Variants in NAALADL2 observed in about 807,000 individuals in gnomAD.
The protein encoded by NAALADL2 is N-acetylated alpha-linked acidic dipeptidase like 2, also known as inactive N-acetylated-alpha-linked acidic dipeptidase-like protein 2.
In NAALADL2, 76 loss-of-function variants were observed where a neutral mutation model predicts 87.2. The ratio of observed to expected loss-of-function variants is 0.87; its 90% CI spans 0.72 to 1.05. The LOEUF is 1.05. Ranked by LOEUF, NAALADL2 falls within the 50% of genes least tolerant of loss-of-function variation. The probability of loss-of-function intolerance (pLI) is 0.00; values close to 1 mark genes in which losing one functional copy is unlikely to be tolerated. For missense variants in NAALADL2, 1,089 were observed against 945.8 expected, an observed-to-expected ratio of 1.15 and a Z score of -1.99; for synonymous variants, 354 against 331.0, an observed-to-expected ratio of 1.07 and a Z score of -0.75.
At chr3:175,331,742 G>T (rs954503142) in intron 5 of NAALADL2, among the ~76,000 whole-genome samples, 1 of 152,186 alleles carries the variant, frequency 6.6e-6, no homozygotes, top group African/African-American at 2.4e-5. Context: ...AGTACTGGAA[G>T]TCCTAGCCAG....
At chr3:175,664,465 A>C (rs920986194) in intron 11 of NAALADL2, among the ~76,000 whole-genome samples, 1 of 152,120 alleles carries the variant, frequency 6.6e-6, no homozygotes, top group South Asian at 2.1e-4. Context: ...GTTGTAGTAG[A>C]GAAGCCATTC....
At chr3:175,272,425 T>A (rs547322364) in intron 4 of NAALADL2, among the ~76,000 whole-genome samples, 1 of 146,492 alleles carries the variant, frequency 6.8e-6, no homozygotes, top group Admixed American at 6.8e-5. Context: ...TCTCAAGGAA[T>A]CTTTGTGACA....
intron 9 of NAALADL2, among the ~76,000 whole-genome samples, chr3:175,522,379 T>G (rs1456920118): frequency 6.6e-6 from 1 of 152,206 alleles, no homozygotes; most frequent in African/African-American, 2.4e-5. Context: ...AAGTTTCAAC[T>G]GCCTGGGTTG....
At chr3:175,437,216 A>C (rs1718836812) in intron 5 of NAALADL2, among the ~76,000 whole-genome samples, 2 of 151,410 alleles carry the variant, frequency 1.3e-5, no homozygotes, top group African/African-American at 4.9e-5. Flanking sequence ...GTCTCAGCCC[A>C]AAATCTCCTT....
At chr3:175,392,691 C>T (rs1416469262) in intron 5 of NAALADL2, among the ~76,000 whole-genome samples, 1 of 152,064 alleles carries the variant, frequency 6.6e-6, no homozygotes, top group Non-Finnish European at 1.5e-5. Flanking sequence ...TCGATTATGC[C>T]AGGAAGAGCT....
At chr3:175,374,740 G>A (rs189467884) in intron 5 of NAALADL2, among the ~76,000 whole-genome samples, 2 of 151,642 alleles carry the variant, frequency 1.3e-5, no homozygotes, top group Admixed American at 1.3e-4. Context: ...GGGCATGGTG[G>A]TGCATGCCTG....
intron 2 of NAALADL2, among the ~76,000 whole-genome samples, chr3:174,679,250 C>CT (rs1727311061): frequency 6.6e-6 from 1 of 152,088 alleles, no homozygotes; most frequent in South Asian, 2.1e-4. Flanking sequence ...GTGCACTACA[C>CT]TGTGGATATT....
At chr3:175,076,223 T>C (rs1716565011) in intron 1 of NAALADL2, among the ~76,000 whole-genome samples, 2 of 151,974 alleles carry the variant, frequency 1.3e-5, no homozygotes, top group Non-Finnish European at 2.9e-5. Context: ...TGACAGGGAC[T>C]GTCTCAAAAC....
chr3:174,717,048 G>T (rs573217785), intron 2 of NAALADL2, among the ~76,000 whole-genome samples: 179 of 152,210 alleles, frequency 1.2e-3, no homozygotes, highest in African/African-American at 4.2e-3. Flanking sequence ...CAGTACATTT[G>T]TTTTTGTAAT....
At chr3:174,493,105 G>T (rs893846108) in intron 1 of NAALADL2, among the ~76,000 whole-genome samples, 1 of 152,142 alleles carries the variant, frequency 6.6e-6, no homozygotes, top group Non-Finnish European at 1.5e-5. Flanking sequence ...AACATAACTA[G>T]AACCCAGCTT....
At chr3:174,830,393 T>A (rs1722532034) in intron 3 of NAALADL2, among the ~76,000 whole-genome samples, 1 of 152,212 alleles carries the variant, frequency 6.6e-6, no homozygotes, top group Non-Finnish European at 1.5e-5. Flanking sequence ...TGCTTGTTTT[T>A]CTCAGGTTTG....
intron 1 of NAALADL2, among the ~76,000 whole-genome samples, chr3:174,869,983 C>G (rs67794757): frequency 7.9e-6 from 1 of 126,498 alleles, no homozygotes; most frequent in African/African-American, 3.1e-5. Context: ...GCAACAAGAG[C>G]GACAAAACTC....
At chr3:175,722,935 T>C (rs918688235) in intron 11 of NAALADL2, among the ~76,000 whole-genome samples, 2 of 152,130 alleles carry the variant, frequency 1.3e-5, no homozygotes, top group Admixed American at 1.3e-4. Flanking sequence ...ATGCACAGTG[T>C]AGTGTTTCTA....
chr3:175,236,970 C>T (rs756312651), intron 3 of NAALADL2, among the ~76,000 whole-genome samples: 2 of 152,068 alleles, frequency 1.3e-5, no homozygotes, highest in Admixed American at 6.6e-5. Context: ...AAGTGTCCTG[C>T]GTTCAAGTAG....
At chr3:174,686,486 G>A (rs1489496110) in intron 2 of NAALADL2, among the ~76,000 whole-genome samples, 1 of 151,138 alleles carries the variant, frequency 6.6e-6, no homozygotes, top group East Asian at 1.9e-4. Flanking sequence ...CATATGTTGA[G>A]CTTTTTTTTT....
chr3:175,513,193 G>A (rs1582201008), intron 9 of NAALADL2, among the ~76,000 whole-genome samples: 2 of 152,062 alleles, frequency 1.3e-5, no homozygotes, highest in Non-Finnish European at 1.5e-5. Context: ...TTCATTAAAC[G>A]TGCAGGGTAC....
chr3:175,667,187 GA>G (rs561026385), intron 11 of NAALADL2, among the ~76,000 whole-genome samples: 1 of 69,566 alleles, frequency 1.4e-5, no homozygotes, highest in African/African-American at 8.3e-5. Flanking sequence ...GAAAGAGAAA[GA>G]AAGAAAGAAA....
intron 3 of NAALADL2, among the ~76,000 whole-genome samples, chr3:174,835,642 T>G (rs955290907): frequency 6.6e-6 from 1 of 152,066 alleles, no homozygotes; most frequent in Non-Finnish European, 1.5e-5. Context: ...AAACAACTTC[T>G]CCAACTCAAA....
intron 2 of NAALADL2, among the ~76,000 whole-genome samples, chr3:174,733,267 C>T (rs114644042): frequency 0.014 from 2,096 of 152,182 alleles, 11 homozygotes; most frequent in Middle Eastern, 0.02. Context: ...TTTCTGCAAC[C>T]TGAGGAAAAA....
Sources: gnomAD v4.1 joint callset for allele counts (sites outside exome capture counted in the v4.1 genomes callset) on GRCh38, gnomAD v4.1.1 for gene constraint, MANE v1.5 for transcripts, NCBI Gene and HGNC (gene_info 2026-07-23, HGNC 2026-07-21) for gene names.